CD70: variants seen among roughly 807,000 people sequenced by gnomAD.
The protein encoded by CD70 is CD70 antigen.
In CD70, 6 loss-of-function variants were observed where a neutral mutation model predicts 9.0. That is an observed-to-expected ratio of 0.67 (90% CI 0.37 to 1.32). The LOEUF (loss-of-function observed/expected upper bound fraction) is 1.32. CD70 is among the 40% of genes most tolerant of loss of function. CD70 has a pLI of 0.02. For missense variants in CD70, 235 were observed against 258.7 expected (o/e 0.91, Z 0.63); for synonymous variants, 108 against 112.3 (o/e 0.96, Z 0.24).
chr19:6,585,131 C>T (rs10424586), downstream of CD70, among the ~76,000 whole-genome samples: 95,604 of 151,552 alleles, frequency 0.63, 31,926 homozygotes, highest in East Asian at 0.77. Context: ...GGATTACAGG[C>T]GCCCTGGACC....
chr19:6,586,381 TATA>T lies in CD70; in HGVS notation c.218_220del (p.Leu73_Tyr74delinsHis). On this transcript the variant is annotated inframe_deletion, in exon 3 of 3. Coordinates refer to ENST00000245903, the MANE Select transcript of CD70 (RefSeq NM_001252.5). ...GCCCAGTGCTGGGCCCCCCTGCCAG[TATA>T]GCCTGGGGTCCTGCTGAGGTCCTGG... 6.2e-7 allele frequency: 1 copy of T among 1,611,630 alleles called. No individual in the cohort carries two copies. Among genetic ancestry groups the T allele is most frequent in the Non-Finnish European group, 8.5e-7 (1 of 1,179,392 alleles).
At chr19:6,588,270 G>A (rs1298659955) in intron 2 of CD70, among the ~76,000 whole-genome samples, 9 of 152,214 alleles carry the variant, frequency 5.9e-5, no homozygotes, top group Non-Finnish European at 1.2e-4. Flanking sequence ...TCCTGTGAAA[G>A]ACACTGTCAA....
At chr19:6,584,932 TTTATTA>T (rs1246884106), downstream of CD70, among the ~76,000 whole-genome samples, 1 of 151,624 alleles carries the variant, frequency 6.6e-6, no homozygotes, top group Non-Finnish European at 1.5e-5. Context: ...CAAGTGATCT[TTTATTA>T]TTATTATTTA....
chr19:6,586,506 A>G, intron 2 of CD70, 101 bp from the exon 3 acceptor site: 1 of 1,285,380 alleles, frequency 7.8e-7, no homozygotes, highest in Non-Finnish European at 1.1e-6. Context: ...AGAGTTAGAG[A>G]TCAAGGAATA....
At chr19:6,588,391 G>T (rs527889438) in intron 2 of CD70, among the ~76,000 whole-genome samples, 8 of 152,130 alleles carry the variant, frequency 5.3e-5, no homozygotes, top group Admixed American at 3.9e-4. Context: ...GGCCGGGGAG[G>T]GGGGGAAGAT....
rs559884549 is a variant in CD70, at chr19:6,590,009, TTCTC to T, written c.196+90_196+93del. 657 of 1,026,360 alleles carry T rather than the reference TTCTC, an allele frequency of 6.4e-4. 1 individual carries two copies. Among genetic ancestry groups the T allele is most frequent in the South Asian group, 1.3e-3 (94 of 72,928 alleles). 63.6% of individuals were successfully genotyped at this position (1,026,360 alleles called of 1,614,324 possible). A position where few individuals can be genotyped will look rare whatever the true frequency, so the allele number is the denominator to read the frequency against. ...TCCCTCCGTCTCTGTCTGTGTCTCT[TTCTC>T]TCTGTCTCTCCCCACTTGTCTTTCT... On this transcript the variant is annotated intron_variant, in intron 2 of 2. Coordinates refer to ENST00000245903, the MANE Select transcript of CD70 (RefSeq NM_001252.5). The surrounding 1 kb of genome is among the most constrained non-coding windows in gnomAD (Gnocchi z 5.3).
chr19:6,582,372 A>G (rs1397885319), downstream of CD70, among the ~76,000 whole-genome samples: 1 of 133,994 alleles, frequency 7.5e-6, no homozygotes, highest in East Asian at 2.1e-4. Flanking sequence ...TTTTTTAATT[A>G]TACTTTAAGT....
chr19:6,588,927 A>G (rs990170848), intron 2 of CD70, among the ~76,000 whole-genome samples: 1 of 152,224 alleles, frequency 6.6e-6, no homozygotes, highest in South Asian at 2.1e-4. Context: ...CTGCAGATGT[A>G]TAATTAGTGC....
chr19:6,583,551 G>GTT, downstream of CD70: 1 of 405,604 alleles, frequency 2.5e-6, no homozygotes, highest in Non-Finnish European at 4.3e-6. Flanking sequence ...GTTAATTGTA[G>GTT]TCTTTTTTTT....
In CD70 at chr19:6,588,724, T is replaced by G. The variant is rs1916082846; in HGVS notation, c.196+1379A>C. ...TGCCCGGATTCCCCACCCACCTCCTTGCCTGATTTTTTCTCTAAAACCTGC... is the reference window on the plus strand; with the variant it reads ...TGCCCGGATTCCCCACCCACCTCCTGGCCTGATTTTTTCTCTAAAACCTGC... On this transcript the variant is annotated intron_variant, in intron 2 of 2. Transcript: ENST00000245903. Among the ~76,000 whole-genome samples the G allele has an allele frequency of 2.0e-5, 3 of 152,098 alleles. No individual in the cohort carries two copies. The South Asian group carries it at 6.2e-4, about 32-fold the overall frequency.
downstream of CD70, chr19:6,585,823 C>T (rs942214882): frequency 7.2e-5 from 38 of 526,498 alleles, no homozygotes; most frequent in East Asian, 1.3e-4. Context: ...TACAGATGCA[C>T]GCCACGAAGC....
At chr19:6,586,465 G>A in intron 2 of CD70, 60 bp from the exon 3 acceptor site, 1 of 1,499,418 alleles carries the variant, frequency 6.7e-7, no homozygotes, top group South Asian at 1.3e-5. Flanking sequence ...GAGGCACAGG[G>A]GGTCATAGAG....
At chr19:6,583,427 T>C (rs1032119799), downstream of CD70, 11 of 688,936 alleles carry the variant, frequency 1.6e-5, no homozygotes, top group African/African-American at 1.9e-4. Context: ...CCATATTAAA[T>C]GCCGTAAGAA....
At chr19:6,584,397 TG>T (rs993475265), downstream of CD70, among the ~76,000 whole-genome samples, 3 of 151,684 alleles carry the variant, frequency 2.0e-5, no homozygotes, top group Non-Finnish European at 4.4e-5. Context: ...GTCCCAGACT[TG>T]GGAGGCTGAG....
chr19:6,588,449 C>T (rs1377159358), intron 2 of CD70, among the ~76,000 whole-genome samples: 10 of 152,196 alleles, frequency 6.6e-5, no homozygotes, highest in Admixed American at 6.5e-4. Flanking sequence ...ACAAAGGTCC[C>T]TTCCATTACA....
At position 6,590,207 on chromosome 19, in the gene CD70, G is replaced by C. The variant is rs1262623598; in HGVS notation, c.163-71C>G. ...GTTCTATGTGTCCCCTGTGCCAGGA[G>C]CTCTCTTTTCTCTGTCCATCCTCCT... On this transcript the variant is annotated intron_variant, in intron 1 of 2. Coordinates refer to ENST00000245903, the MANE Select transcript of CD70 (RefSeq NM_001252.5). This position sits in a 1 kb window ranked among gnomAD's most constrained non-coding sequence, Gnocchi z 5.3. 19 of 1,256,592 alleles carry C rather than the reference G, an allele frequency of 1.5e-5. No individual in the cohort carries two copies. The allele number at this position is 1,256,592 out of a possible 1,614,324, so 77.8% of individuals were successfully genotyped here.
chr19:6,584,779 T>A (rs1915983504), downstream of CD70, among the ~76,000 whole-genome samples: 1 of 148,878 alleles, frequency 6.7e-6, no homozygotes, highest in Admixed American at 6.8e-5. Context: ...GGTGGGAGGA[T>A]CGCTTGAGCC....
chr19:6,586,810 G>A (rs1029658863), intron 2 of CD70, among the ~76,000 whole-genome samples: 8 of 150,272 alleles, frequency 5.3e-5, no homozygotes, highest in African/African-American at 1.7e-4. Context: ...AAAAGGGAGG[G>A]GGATAGAAGG....
At chr19:6,584,045 G>T (rs1328346507), downstream of CD70, among the ~76,000 whole-genome samples, 1 of 149,112 alleles carries the variant, frequency 6.7e-6, no homozygotes, top group South Asian at 2.2e-4. Flanking sequence ...CGCCCACCTC[G>T]GCCTCCCAAA....
Sources: allele counts gnomAD v4.1 joint callset (sites outside exome capture counted in the v4.1 genomes callset), GRCh38; gene constraint gnomAD v4.1.1; non-coding constraint Gnocchi (gnomAD v3.1); transcripts MANE v1.5; gene names NCBI Gene and HGNC (gene_info 2026-07-23, HGNC 2026-07-21).